Variants in WDPCP observed in about 807,000 individuals in gnomAD.
WDPCP encodes WD repeat-containing and planar cell polarity effector protein fritz homolog.
WDPCP carries 71 observed loss-of-function variants against 93.1 expected under a neutral mutation model. The ratio of observed to expected loss-of-function variants is 0.76; its 90% CI spans 0.63 to 0.93. The LOEUF is 0.93. Among genes scored for constraint, WDPCP ranks in the 40% least tolerant of loss-of-function variants. The probability of loss-of-function intolerance (pLI) is 0.00; values close to 1 mark genes in which losing one functional copy is unlikely to be tolerated. For missense variants in WDPCP, 844 were observed against 887.4 expected (o/e 0.95, Z 0.62); for synonymous variants, 315 against 315.0 (o/e 1.00, Z 0.00).
chr2:63,746,793 C>T (rs183610993), intron 2 of WDPCP, among the ~76,000 whole-genome samples: 10 of 152,252 alleles, frequency 6.6e-5, no homozygotes, highest in South Asian at 2.1e-4. Flanking sequence ...GCGTGCACAG[C>T]GGGACATGGA....
chr2:63,793,431 G>C (rs958725104), intron 2 of WDPCP, among the ~76,000 whole-genome samples: 1 of 152,128 alleles, frequency 6.6e-6, no homozygotes, highest in Non-Finnish European at 1.5e-5. Flanking sequence ...AAAATAGCAA[G>C]ATCCCATCTC....
At chr2:63,798,098 T>C (rs1670642374) in intron 2 of WDPCP, among the ~76,000 whole-genome samples, 1 of 152,148 alleles carries the variant, frequency 6.6e-6, no homozygotes, top group Non-Finnish European at 1.5e-5. Context: ...CCTTCAAACA[T>C]GAAGAATAAC....
intron 9 of WDPCP, among the ~76,000 whole-genome samples, chr2:63,430,215 ATAG>A (rs772574954): frequency 2.6e-5 from 4 of 152,158 alleles, no homozygotes; most frequent in Non-Finnish European, 4.4e-5. Flanking sequence ...GTGGGGACTA[ATAG>A]TAGAGCAGGG....
intron 2 of WDPCP, among the ~76,000 whole-genome samples, chr2:63,761,821 T>C (rs1042075328): frequency 2.6e-5 from 4 of 152,192 alleles, no homozygotes; most frequent in Admixed American, 6.5e-5. Context: ...GATCAATACT[T>C]TGTATCCTTC....
At chr2:63,128,255 G>A (rs1670053739) in intron 17 of WDPCP, among the ~76,000 whole-genome samples, 1 of 152,132 alleles carries the variant, frequency 6.6e-6, no homozygotes, top group African/African-American at 2.4e-5. Flanking sequence ...TATGAGCAAA[G>A]TCAGTGGGAG....
chr2:63,230,057 G>A (rs1678699889), intron 14 of WDPCP, among the ~76,000 whole-genome samples: 1 of 151,578 alleles, frequency 6.6e-6, no homozygotes, highest in Non-Finnish European at 1.5e-5. Flanking sequence ...TTTGCATTAG[G>A]TATATCTCCT....
intron 2 of WDPCP, among the ~76,000 whole-genome samples, chr2:63,786,014 T>G (rs1238094991): frequency 6.6e-6 from 1 of 152,128 alleles, no homozygotes; most frequent in African/African-American, 2.4e-5. Context: ...AATTCCTCAT[T>G]CAAAATATTT....
At chr2:63,640,030 A>G (rs1300330853) in intron 3 of WDPCP, among the ~76,000 whole-genome samples, 1 of 152,138 alleles carries the variant, frequency 6.6e-6, no homozygotes, top group East Asian at 1.9e-4. Context: ...TTTTTTTCTG[A>G]GACGGAGTCT....
At position 63,437,541 on chromosome 2, in the gene WDPCP, GTC is replaced by G. The variant is rs1401136094; in HGVS notation, c.511_512del (p.Asp171GlnfsTer26). 6.3e-7 allele frequency: 1 copy of G among 1,589,402 alleles called. No individual in the cohort carries two copies. Among genetic ancestry groups the G allele is most frequent in the Non-Finnish European group, 8.6e-7 (1 of 1,168,216 alleles). On this transcript the variant is annotated frameshift_variant, in exon 8 of 18. Coordinates refer to ENST00000272321, the MANE Select transcript of WDPCP (RefSeq NM_015910.7). LOFTEE classifies it high-confidence loss of function. ...CCAAAAATGATAAGATGATAAAACT[GTC>G]TGTGAGAAGAGCTAAAAAACATAAT... ...SDTISDALLTDSFIILSFLAQ... is the reference protein window; with the variant it reads ...SDTISDALLTXSFIILSFLAQ...
chr2:63,167,536 A>G (rs191645124), intron 15 of WDPCP, among the ~76,000 whole-genome samples: 21 of 152,298 alleles, frequency 1.4e-4, no homozygotes, highest in Non-Finnish European at 2.6e-4. Flanking sequence ...ATTGTTTAAT[A>G]AAAGGTTTTA....
chr2:63,685,467 C>G (rs1405811008), intron 2 of WDPCP, among the ~76,000 whole-genome samples: 3 of 125,520 alleles, frequency 2.4e-5, no homozygotes, highest in Non-Finnish European at 5.0e-5. Context: ...GTAAAAGAGT[C>G]TCCCAGCGAA....
rs975571064 is a variant in WDPCP, at chr2:63,798,018, T to C, written n.308+15604A>G. 3.3e-5 allele frequency among the ~76,000 whole-genome samples: 5 copies of C among 152,094 alleles called. No individual in the cohort carries two copies. In the South Asian group the frequency reaches 1.0e-3, roughly 32 times the overall value. ...GGAAACCTTACAGGCCAGGAGAGAG[T>C]GGCATGACATATTTAAAGTGCTGAA... On this transcript the variant is annotated intron_variant and non_coding_transcript_variant, in intron 2 of 4. Transcript: ENST00000467687.
intron 2 of WDPCP, among the ~76,000 whole-genome samples, chr2:63,747,021 T>G (rs1037803356): frequency 6.6e-6 from 1 of 152,048 alleles, no homozygotes; most frequent in Non-Finnish European, 1.5e-5. Flanking sequence ...AATTTCTCTC[T>G]TTTGTACTCT....
chr2:63,435,719 A>G (rs1040529142), intron 8 of WDPCP, among the ~76,000 whole-genome samples: 4 of 152,164 alleles, frequency 2.6e-5, no homozygotes, highest in African/African-American at 9.6e-5. Flanking sequence ...ATTTCTTAAA[A>G]TATCCTTCCA....
chr2:63,722,241 G>A (rs1176127515), intron 2 of WDPCP, among the ~76,000 whole-genome samples: 1 of 151,144 alleles, frequency 6.6e-6, no homozygotes, highest in Non-Finnish European at 1.5e-5. Flanking sequence ...TCTGGAAAGT[G>A]AGGAGCGTCT....
At chr2:63,298,098 G>A (rs188409145) in intron 13 of WDPCP, among the ~76,000 whole-genome samples, 3 of 152,192 alleles carry the variant, frequency 2.0e-5, no homozygotes, top group East Asian at 3.9e-4. Flanking sequence ...GTATCTAAAC[G>A]GGACACAACG....
chr2:63,191,331 G>C (rs1459862185), intron 14 of WDPCP, among the ~76,000 whole-genome samples: 1 of 152,146 alleles, frequency 6.6e-6, no homozygotes, highest in African/African-American at 2.4e-5. Flanking sequence ...GGCGGAGCTT[G>C]CAGTGAGCTG....
At chr2:63,824,843 A>C (rs1355774385) in intron 1 of WDPCP, among the ~76,000 whole-genome samples, 2 of 152,120 alleles carry the variant, frequency 1.3e-5, no homozygotes, top group Non-Finnish European at 2.9e-5. Context: ...AAATAAATGA[A>C]TAATCTTTGG....
chr2:63,600,741 A>C (rs1464711236), intron 3 of WDPCP, among the ~76,000 whole-genome samples: 2 of 152,196 alleles, frequency 1.3e-5, no homozygotes, highest in Non-Finnish European at 2.9e-5. Flanking sequence ...CTGAGAGGCT[A>C]TAGGCTGTGA....
Sources: gnomAD v4.1 joint callset for allele counts (sites outside exome capture counted in the v4.1 genomes callset) on GRCh38, gnomAD v4.1.1 for gene constraint, MANE v1.5 for transcripts, NCBI Gene and HGNC (gene_info 2026-07-23, HGNC 2026-07-21) for gene names.